Variants in DRC11 observed in about 807,000 individuals in gnomAD.
DRC11 encodes IQ and AAA domain-containing protein 1.
the DRC11 span, chr2:236,343,790 A>C: frequency 7.8e-7 from 1 of 1,282,430 alleles, no homozygotes. This position sits in a 1 kb window ranked among gnomAD's most constrained non-coding sequence, Gnocchi z 6.6. Context: ...TTAAATAATA[A>C]ATGAGTTCTC....
chr2:236,448,321 A>G, the DRC11 span, among the ~76,000 whole-genome samples: 2 of 152,210 alleles, frequency 1.3e-5, no homozygotes, highest in Non-Finnish European at 2.9e-5. The surrounding 1 kb of genome is among the most constrained non-coding windows in gnomAD (Gnocchi z 5.3). Flanking sequence ...ATATGATGGC[A>G]TTTGAGCAAA....
chr2:236,398,428 G>A, the DRC11 span, among the ~76,000 whole-genome samples: 26 of 152,314 alleles, frequency 1.7e-4, no homozygotes, highest in South Asian at 5.0e-3. The surrounding 1 kb of genome is among the most constrained non-coding windows in gnomAD (Gnocchi z 6.2). Context: ...AAAGCCCTGA[G>A]TCAATTTAAA....
At chr2:236,375,379 T>A in the DRC11 span, among the ~76,000 whole-genome samples, 1 of 152,228 alleles carries the variant, frequency 6.6e-6, no homozygotes, top group Non-Finnish European at 1.5e-5. The surrounding 1 kb of genome is among the most constrained non-coding windows in gnomAD (Gnocchi z 4.2). Flanking sequence ...GGCACTAGGA[T>A]CTTTTGTTCA....
the DRC11 span, among the ~76,000 whole-genome samples, chr2:236,355,082 T>C: frequency 6.6e-6 from 1 of 152,222 alleles, no homozygotes; most frequent in East Asian, 1.9e-4. Context: ...CTCCCCACCC[T>C]GGGCCCCTCC....
the DRC11 span, among the ~76,000 whole-genome samples, chr2:236,479,259 A>G: frequency 1.3e-5 from 2 of 152,148 alleles, no homozygotes; most frequent in East Asian, 1.9e-4. This position sits in a 1 kb window ranked among gnomAD's most constrained non-coding sequence, Gnocchi z 4.1. Context: ...TCCTGTAGGC[A>G]GCATATGGTT....
At chr2:236,479,912 T>C in the DRC11 span, among the ~76,000 whole-genome samples, 1 of 152,176 alleles carries the variant, frequency 6.6e-6, no homozygotes, top group African/African-American at 2.4e-5. This position sits in a 1 kb window ranked among gnomAD's most constrained non-coding sequence, Gnocchi z 4.1. Context: ...TCTTGTTAGA[T>C]GGGTCTGGCA....
the DRC11 span, among the ~76,000 whole-genome samples, chr2:236,439,501 T>A: frequency 3.3e-5 from 5 of 152,218 alleles, no homozygotes; most frequent in Admixed American, 6.5e-5. Context: ...TTTATCCAGA[T>A]AAATAATTGT....
the DRC11 span, among the ~76,000 whole-genome samples, chr2:236,312,198 A>T: frequency 1.3e-5 from 2 of 152,218 alleles, no homozygotes; most frequent in Non-Finnish European, 2.9e-5. Context: ...GACACCACTG[A>T]ATCTGCTTTT....
chr2:236,436,629 G>A, the DRC11 span, among the ~76,000 whole-genome samples: 6 of 151,984 alleles, frequency 3.9e-5, no homozygotes, highest in African/African-American at 1.4e-4. Flanking sequence ...GTATACTACT[G>A]AATTCTGATA....
the DRC11 span, among the ~76,000 whole-genome samples, chr2:236,450,024 G>A: frequency 6.6e-6 from 1 of 152,230 alleles, no homozygotes; most frequent in African/African-American, 2.4e-5. Flanking sequence ...CATGCGACTG[G>A]AGGGAGGAAG....
At chr2:236,400,013 G>A in the DRC11 span, among the ~76,000 whole-genome samples, 32 of 152,190 alleles carry the variant, frequency 2.1e-4, no homozygotes, top group Admixed American at 7.2e-4. This position sits in a 1 kb window ranked among gnomAD's most constrained non-coding sequence, Gnocchi z 7.9. Context: ...CACCACACCC[G>A]GCCTGGTCCT....
At chr2:236,459,495 ATATATG>A in the DRC11 span, among the ~76,000 whole-genome samples, 1 of 126,156 alleles carries the variant, frequency 7.9e-6, no homozygotes, top group African/African-American at 2.9e-5. Flanking sequence ...ATGTATACGT[ATATATG>A]TATACGTATA....
the DRC11 span, among the ~76,000 whole-genome samples, chr2:236,348,581 G>GGGAA: frequency 1.3e-5 from 2 of 152,180 alleles, no homozygotes; most frequent in African/African-American, 4.8e-5. The surrounding 1 kb of genome is among the most constrained non-coding windows in gnomAD (Gnocchi z 7.4). Flanking sequence ...AAGCCAGAGA[G>GGGAA]GGAAGCCTCT....
chr2:236,485,232 T>G, the DRC11 span, among the ~76,000 whole-genome samples: 1 of 151,948 alleles, frequency 6.6e-6, no homozygotes, highest in Non-Finnish European at 1.5e-5. Context: ...TGACTACATA[T>G]ATATATGTCA....
chr2:236,482,717 A>G, the DRC11 span, among the ~76,000 whole-genome samples: 1 of 152,120 alleles, frequency 6.6e-6, no homozygotes, highest in Non-Finnish European at 1.5e-5. The surrounding 1 kb of genome is among the most constrained non-coding windows in gnomAD (Gnocchi z 4.5). Context: ...TCTTAATGGC[A>G]CCTAAAAATA....
the DRC11 span, among the ~76,000 whole-genome samples, chr2:236,469,498 T>C: frequency 6.6e-6 from 1 of 152,248 alleles, no homozygotes; most frequent in African/African-American, 2.4e-5. This position sits in a 1 kb window ranked among gnomAD's most constrained non-coding sequence, Gnocchi z 5.8. Flanking sequence ...ACTCAGTGAC[T>C]TTCCCGTCAT....
the DRC11 span, among the ~76,000 whole-genome samples, chr2:236,435,634 C>T: frequency 1.4e-3 from 217 of 152,282 alleles, 4 homozygotes; most frequent in Non-Finnish European, 3.5e-4. Context: ...GGGGAAAATG[C>T]CCCCTTACAA....
the DRC11 span, among the ~76,000 whole-genome samples, chr2:236,399,826 C>A: frequency 0.031 from 4,679 of 152,268 alleles, 238 homozygotes; most frequent in East Asian, 0.18. This position sits in a 1 kb window ranked among gnomAD's most constrained non-coding sequence, Gnocchi z 7.0. Context: ...AACAATCCTC[C>A]TGCCTCAGCC....
the DRC11 span, among the ~76,000 whole-genome samples, chr2:236,429,188 G>A: frequency 2.8e-4 from 43 of 152,322 alleles, 1 homozygote; most frequent in South Asian, 8.5e-3. The surrounding 1 kb of genome is among the most constrained non-coding windows in gnomAD (Gnocchi z 5.9). Flanking sequence ...TGGTGGCTCC[G>A]AATCTGGGGG....
Sources: gnomAD v4.1 joint callset for allele counts (sites outside exome capture counted in the v4.1 genomes callset) on GRCh38, gnomAD v4.1.1 for gene constraint, Gnocchi (gnomAD v3.1) non-coding constraint, MANE v1.5 for transcripts, NCBI Gene and HGNC (gene_info 2026-07-23, HGNC 2026-07-21) for gene names.